The following PPP1R9A variants were observed in gnomAD, a reference collection of about 807,000 sequenced individuals.
PPP1R9A encodes the protein neurabin-1.
A neutral mutation model predicts 141.9 loss-of-function variants in PPP1R9A; 59 were observed. The ratio of observed to expected loss-of-function variants is 0.42; its 90% CI spans 0.34 to 0.52. The LOEUF (loss-of-function observed/expected upper bound fraction) is 0.52. PPP1R9A is among the 20% of genes least tolerant of loss of function. The pLI is 0.10. For missense variants in PPP1R9A, 1,444 were observed against 1,611.9 expected (o/e 0.90, Z 1.78); for synonymous variants, 500 against 569.7 (o/e 0.88, Z 1.74).
intron 4 of PPP1R9A, chr7:95,155,177 CTTTTTTTCTTTTTTT>C (rs1563324804): frequency 8.0e-6 from 1 of 125,166 alleles, no homozygotes; most frequent in African/African-American, 3.2e-5. Context: ...CCTTTTTTTT[CTTTTTTTCTTTTTTT>C]TTTTTTTTTT....
rs535691079 is a variant in PPP1R9A at position 95,293,613 on chromosome 7, C to T, written c.*3310C>T. On this transcript the variant is annotated 3_prime_UTR_variant, in exon 20 of 20. Coordinates refer to ENST00000433360, the MANE Select transcript of PPP1R9A (RefSeq NM_001166160.2). ...AAGTGGCAAGAGGGAAAATGAGGAACCAGATTTACCTTTGCCACTATCTGT... is the reference window on the plus strand; with the variant it reads ...AAGTGGCAAGAGGGAAAATGAGGAATCAGATTTACCTTTGCCACTATCTGT... 8.1e-4 allele frequency: 123 copies of T among 152,298 alleles called. 1 individual carries two copies. The highest frequency in any genetic ancestry group is 2.8e-3 in the African/African-American group (117 of 41,570). 9.4% of individuals were successfully genotyped at this position (152,298 alleles called of 1,614,324 possible). A position where few individuals can be genotyped will look rare whatever the true frequency, so the allele number is the denominator to read the frequency against.
At chr7:94,970,063 G>A (rs1798692503) in intron 2 of PPP1R9A, among the ~76,000 whole-genome samples, 1 of 152,198 alleles carries the variant, frequency 6.6e-6, no homozygotes, top group Non-Finnish European at 1.5e-5. Flanking sequence ...TTTCAAGCCA[G>A]TGGGTCTTAG....
chr7:95,222,351 A>G (rs141625675), intron 7 of PPP1R9A, among the ~76,000 whole-genome samples: 46 of 152,192 alleles, frequency 3.0e-4, no homozygotes, highest in Admixed American at 1.5e-3. Flanking sequence ...AGCTTCAACA[A>G]CTTAATTAAT....
At chr7:95,272,641 C>G (rs951564722) in intron 14 of PPP1R9A, among the ~76,000 whole-genome samples, 1 of 152,120 alleles carries the variant, frequency 6.6e-6, no homozygotes, top group East Asian at 1.9e-4. Context: ...TGTCAGTGTC[C>G]TGTGCTGCTT....
chr7:95,181,991 A>G (rs1833927467), intron 5 of PPP1R9A, among the ~76,000 whole-genome samples: 1 of 151,664 alleles, frequency 6.6e-6, no homozygotes, highest in Non-Finnish European at 1.5e-5. Context: ...GAGGATGTAA[A>G]GGCATAAGAA....
chr7:95,178,836 G>C (rs1389244742), intron 5 of PPP1R9A, among the ~76,000 whole-genome samples: 1 of 152,080 alleles, frequency 6.6e-6, no homozygotes, highest in Non-Finnish European at 1.5e-5. Context: ...GGAAGAATTA[G>C]ATACCCTGAA....
At chr7:94,974,819 G>A (rs763391677) in intron 2 of PPP1R9A, among the ~76,000 whole-genome samples, 2 of 152,106 alleles carry the variant, frequency 1.3e-5, no homozygotes, top group Non-Finnish European at 2.9e-5. Flanking sequence ...AATAAGTCAA[G>A]ACAAGTTATA....
At chr7:95,274,219 G>A (rs1802746351) in intron 16 of PPP1R9A, 51 bp downstream of exon 16, 2 of 1,437,762 alleles carry the variant, frequency 1.4e-6, no homozygotes, top group South Asian at 1.3e-5. Context: ...AAACTTTCTG[G>A]CCCCCTCTTC....
chr7:95,027,556 G>T (rs1584344509), intron 2 of PPP1R9A, among the ~76,000 whole-genome samples: 1 of 152,286 alleles, frequency 6.6e-6, no homozygotes, highest in Admixed American at 6.5e-5. Flanking sequence ...CTCTTGAAAA[G>T]AGCTACATTT....
chr7:94,926,092 G>T (rs1340588175), intron 2 of PPP1R9A, among the ~76,000 whole-genome samples: 1 of 152,180 alleles, frequency 6.6e-6, no homozygotes, highest in African/African-American at 2.4e-5. Flanking sequence ...CCTCTAAAGT[G>T]CTGGGATTAC....
At chr7:95,278,562 A>G (rs1006432681) in intron 16 of PPP1R9A, among the ~76,000 whole-genome samples, 2 of 152,070 alleles carry the variant, frequency 1.3e-5, no homozygotes, top group African/African-American at 4.8e-5. Context: ...CTACCCCATT[A>G]TTCAGTTGGT....
In PPP1R9A at chr7:95,283,983, C is replaced by G. The variant is rs1044091917; in HGVS notation, c.3297-35C>G. ...TCAGTAGGTCTTTTATCCGCCCTTT[C>G]TTTATCTAACACACCCATTCTTTTC... On this transcript the variant is annotated intron_variant, in intron 16 of 19. Transcript: ENST00000433360. 3 of 1,493,090 alleles carry G rather than the reference C, an allele frequency of 2.0e-6. No homozygotes were observed. The African/African-American group carries it at 4.2e-5, about 21-fold the overall frequency. 92.5% of individuals were successfully genotyped at this position (1,493,090 alleles called of 1,614,324 possible). A position where few individuals can be genotyped will look rare whatever the true frequency, so the allele number is the denominator to read the frequency against.
intron 8 of PPP1R9A, among the ~76,000 whole-genome samples, chr7:95,234,778 A>G (rs978983806): frequency 3.3e-5 from 5 of 151,960 alleles, no homozygotes; most frequent in Admixed American, 6.6e-5. Flanking sequence ...AAACTATACT[A>G]TCAGTCACCG....
intron 8 of PPP1R9A, among the ~76,000 whole-genome samples, chr7:95,234,569 G>A (rs1016587506): frequency 3.9e-5 from 6 of 152,078 alleles, no homozygotes; most frequent in Admixed American, 2.0e-4. Flanking sequence ...CTCATGGATG[G>A]GTAGAATCAA....
intron 4 of PPP1R9A, among the ~76,000 whole-genome samples, chr7:95,159,519 C>A (rs2152702545): frequency 6.6e-6 from 1 of 152,156 alleles, no homozygotes; most frequent in South Asian, 2.1e-4. Context: ...TACCTGTCAA[C>A]CCATCATTTA....
intron 4 of PPP1R9A, among the ~76,000 whole-genome samples, chr7:95,142,746 G>C (rs1231116600): frequency 6.6e-6 from 1 of 151,950 alleles, no homozygotes; most frequent in East Asian, 1.9e-4. Context: ...AACACATAGA[G>C]CCAATGATAA....
At position 94,910,344 on chromosome 7, in the gene PPP1R9A, C is replaced by G. The variant is rs753642729; in HGVS notation, c.231C>G (p.Pro77=). The G allele has an allele frequency of 1.1e-5, 18 of 1,614,014 alleles. No individual in the cohort carries two copies. The highest frequency in any genetic ancestry group is 9.9e-5 in the South Asian group (9 of 91,056). ...KNLFMQMGME[P]NENAAVIAKT... is the part of the protein sequence containing the mutation. ...TATTTATGCAGATGGGTATGGAACCCAACGAGAATGCTGCAGTCATTGCCA... is the reference window on the plus strand; with the variant it reads ...TATTTATGCAGATGGGTATGGAACCGAACGAGAATGCTGCAGTCATTGCCA... Residue 77 remains proline (P), a synonymous_variant, in exon 2 of 20, where the codon CCC becomes CCG. Transcript: ENST00000433360. This position sits in a 1 kb window ranked among gnomAD's most constrained non-coding sequence, Gnocchi z 4.5.
At chr7:95,120,904 CT>C (rs2152485451) in intron 4 of PPP1R9A, 72 bp downstream of exon 4, 2 of 1,476,818 alleles carry the variant, frequency 1.4e-6, no homozygotes, top group South Asian at 1.5e-5. Context: ...TCAGTTGTAG[CT>C]TTTTGCTTTT....
At chr7:95,289,921 T>TA (rs748054000) in intron 19 of PPP1R9A, among the ~76,000 whole-genome samples, 170 bp from the exon 20 acceptor site, 2 of 152,084 alleles carry the variant, frequency 1.3e-5, no homozygotes, top group African/African-American at 2.4e-5. Flanking sequence ...AAAGAAAAAA[T>TA]AAAGGGTAGC....
Sources: gnomAD v4.1 joint callset for allele counts (sites outside exome capture counted in the v4.1 genomes callset) on GRCh38, gnomAD v4.1.1 for gene constraint, Gnocchi (gnomAD v3.1) non-coding constraint, MANE v1.5 for transcripts, NCBI Gene and HGNC (gene_info 2026-07-23, HGNC 2026-07-21) for gene names.